Variants in CNTN4 observed in about 807,000 individuals in gnomAD.
The protein encoded by CNTN4 is contactin 4, also known as contactin-4.
In CNTN4, 77 loss-of-function variants were observed where a neutral mutation model predicts 122.5. The ratio of observed to expected loss-of-function variants is 0.63; its 90% CI spans 0.52 to 0.76. The LOEUF is 0.76. CNTN4 is among the 30% of genes least tolerant of loss of function. The pLI is 0.00. For missense variants in CNTN4, 1,256 were observed against 1,259.1 expected, an observed-to-expected ratio of 1.00 and a Z score of 0.04; for synonymous variants, 512 against 447.0, an observed-to-expected ratio of 1.15 and a Z score of -1.83.
chr3:2,202,941 C>T (rs546179370), intron 2 of CNTN4, among the ~76,000 whole-genome samples: 2 of 152,008 alleles, frequency 1.3e-5, no homozygotes, highest in Middle Eastern at 3.4e-3. Context: ...CCTGGCTTAG[C>T]CTCCCAAGTA....
At chr3:2,273,227 C>A (rs969834163) in intron 2 of CNTN4, among the ~76,000 whole-genome samples, 1 of 152,066 alleles carries the variant, frequency 6.6e-6, no homozygotes, top group Non-Finnish European at 1.5e-5. Flanking sequence ...ATTCCATGAC[C>A]ATTTTTAAAA....
intron 3 of CNTN4, among the ~76,000 whole-genome samples, chr3:2,489,614 A>G (rs908674199): frequency 9.2e-5 from 14 of 152,170 alleles, no homozygotes; most frequent in African/African-American, 3.4e-4. Context: ...TAGTAATTTT[A>G]TAACCTCCCC....
intron 3 of CNTN4, among the ~76,000 whole-genome samples, chr3:2,466,616 A>G (rs1436868074): frequency 1.3e-5 from 2 of 152,092 alleles, no homozygotes; most frequent in African/African-American, 4.8e-5. Context: ...ATCCCTGGAC[A>G]ATGTTTTGGG....
At chr3:3,033,537 G>A (rs1015685553) in intron 16 of CNTN4, among the ~76,000 whole-genome samples, 2 of 152,174 alleles carry the variant, frequency 1.3e-5, no homozygotes, top group African/African-American at 2.4e-5. Context: ...CTGTGACATG[G>A]CCTGATAGTA....
intron 13 of CNTN4, among the ~76,000 whole-genome samples, chr3:2,986,033 G>A (rs951973084): frequency 6.7e-6 from 1 of 149,968 alleles, no homozygotes; most frequent in Admixed American, 6.7e-5. Flanking sequence ...TCCCACCTCA[G>A]CCCCCCAAGT....
chr3:2,114,086 G>C (rs1274456452), intron 2 of CNTN4, among the ~76,000 whole-genome samples: 1 of 152,160 alleles, frequency 6.6e-6, no homozygotes, highest in East Asian at 1.9e-4. Context: ...GTTTCATCGA[G>C]ATGATGGGAA....
chr3:2,386,262 T>G (rs2046254055), intron 3 of CNTN4, among the ~76,000 whole-genome samples: 1 of 151,360 alleles, frequency 6.6e-6, no homozygotes, highest in Non-Finnish European at 1.5e-5. Context: ...TTATTTTCCT[T>G]CCCCACCTCA....
chr3:2,568,671 CA>C, intron 3 of CNTN4, among the ~76,000 whole-genome samples: 1 of 152,262 alleles, frequency 6.6e-6, no homozygotes, highest in East Asian at 1.9e-4. Context: ...CAGCTCCCTT[CA>C]GAAAACCGGA....
intron 6 of CNTN4, among the ~76,000 whole-genome samples, chr3:2,800,533 A>C (rs1246433776): frequency 6.6e-6 from 1 of 152,184 alleles, no homozygotes. Flanking sequence ...ATCTTAATTC[A>C]TCTTTGCAAC....
intron 3 of CNTN4, among the ~76,000 whole-genome samples, chr3:2,562,627 C>T (rs2079004576): frequency 6.6e-6 from 1 of 151,910 alleles, no homozygotes; most frequent in South Asian, 2.1e-4. Context: ...AATCCACCAT[C>T]GATGGGCACG....
At chr3:2,527,545 A>G (rs374139069) in intron 3 of CNTN4, among the ~76,000 whole-genome samples, 31 of 152,186 alleles carry the variant, frequency 2.0e-4, no homozygotes, top group African/African-American at 7.2e-4. Flanking sequence ...AGGAGATGGG[A>G]TTTTCATATC....
intron 3 of CNTN4, among the ~76,000 whole-genome samples, chr3:2,512,008 T>G (rs1045997694): frequency 3.3e-5 from 5 of 152,204 alleles, no homozygotes; most frequent in Admixed American, 2.6e-4. Flanking sequence ...TCTGTACCTC[T>G]GGCCATTGCA....
intron 2 of CNTN4, among the ~76,000 whole-genome samples, chr3:2,338,859 CT>C (rs2044067333): frequency 6.6e-6 from 1 of 152,038 alleles, no homozygotes; most frequent in Non-Finnish European, 1.5e-5. Context: ...GAAATTGTCT[CT>C]TTTATTGAAT....
intron 7 of CNTN4, among the ~76,000 whole-genome samples, chr3:2,834,170 T>C (rs998851805): frequency 1.3e-5 from 2 of 151,250 alleles, no homozygotes; most frequent in Non-Finnish European, 3.0e-5. Context: ...AAAATAATAA[T>C]TAAAAACATA....
intron 3 of CNTN4, among the ~76,000 whole-genome samples, chr3:2,549,741 T>G (rs961368907): frequency 3.9e-5 from 6 of 152,172 alleles, no homozygotes; most frequent in Non-Finnish European, 8.8e-5. Context: ...AGTCCTTCTT[T>G]TTCTGTTGTT....
intron 2 of CNTN4, among the ~76,000 whole-genome samples, chr3:2,334,418 C>T (rs974556106): frequency 1.3e-4 from 20 of 152,238 alleles, no homozygotes; most frequent in African/African-American, 4.8e-4. Flanking sequence ...TTCGGCCTTC[C>T]AAATTGCTGG....
At chr3:2,521,348 C>CAT (rs1222851127) in intron 3 of CNTN4, among the ~76,000 whole-genome samples, 1 of 78,256 alleles carries the variant, frequency 1.3e-5, no homozygotes, top group African/African-American at 5.5e-5. Flanking sequence ...ACCCATCCCC[C>CAT]CCACCCCCCG....
intron 4 of CNTN4, among the ~76,000 whole-genome samples, chr3:2,684,518 T>C (rs1394986163): frequency 6.6e-6 from 1 of 152,188 alleles, no homozygotes; most frequent in Non-Finnish European, 1.5e-5. Flanking sequence ...TAGAGTCTAA[T>C]GCTGGACCCA....
intron 13 of CNTN4, among the ~76,000 whole-genome samples, chr3:2,936,586 C>A (rs2094569198): frequency 6.6e-6 from 1 of 152,106 alleles, no homozygotes; most frequent in Non-Finnish European, 1.5e-5. Context: ...CTCACCTTTA[C>A]CCTCAGTTTT....
Sources: gnomAD v4.1 joint callset for allele counts (sites outside exome capture counted in the v4.1 genomes callset) on GRCh38, gnomAD v4.1.1 for gene constraint, MANE v1.5 for transcripts, NCBI Gene and HGNC (gene_info 2026-07-23, HGNC 2026-07-21) for gene names.